CCDC102B: variants seen among roughly 807,000 people sequenced by gnomAD.
CCDC102B encodes coiled-coil domain-containing protein 102B.
Under a neutral mutation model 57.4 loss-of-function variants are expected in CCDC102B, and 75 were observed. The ratio of observed to expected loss-of-function variants is 1.31; its 90% CI spans 1.08 to 1.58. CCDC102B has a LOEUF of 1.58. CCDC102B is among the 40% of genes most tolerant of loss of function. The pLI, the probability that CCDC102B is intolerant of heterozygous loss-of-function variation, is 0.00. For synonymous variants in CCDC102B, 206 were observed against 201.9 expected, an observed-to-expected ratio of 1.02 and a Z score of -0.17; for missense variants, 636 against 582.6, an observed-to-expected ratio of 1.09 and a Z score of -0.94.
At chr18:68,781,325 ATGAG>A (rs933422956) in intron 2 of CCDC102B, among the ~76,000 whole-genome samples, 9 of 108,494 alleles carry the variant, frequency 8.3e-5, no homozygotes, top group South Asian at 7.3e-4. Context: ...TAAGAGAAGA[ATGAG>A]TGGGTGGACA....
chr18:68,804,027 G>T (rs533326241), intron 1 of CCDC102B, among the ~76,000 whole-genome samples: 31 of 152,308 alleles, frequency 2.0e-4, no homozygotes, highest in African/African-American at 6.7e-4. Flanking sequence ...AAAGGTAGAA[G>T]TGGGGAGGCC....
At chr18:68,857,112 T>A (rs6566392) in intron 4 of CCDC102B, among the ~76,000 whole-genome samples, 4,881 of 19,456 alleles carry the variant, frequency 0.25, 336 homozygotes, top group East Asian at 0.39. Context: ...ATATTATATA[T>A]AAATATATTT....
intron 6 of CCDC102B, among the ~76,000 whole-genome samples, chr18:68,972,288 A>G (rs949511678): frequency 6.6e-6 from 1 of 152,180 alleles, no homozygotes; most frequent in Non-Finnish European, 1.5e-5. Flanking sequence ...GGAATCAGGC[A>G]TGTGCAGTCC....
At chr18:68,950,042 C>T (rs1438637834) in intron 6 of CCDC102B, among the ~76,000 whole-genome samples, 1 of 152,066 alleles carries the variant, frequency 6.6e-6, no homozygotes, top group African/African-American at 2.4e-5. Context: ...ATGAATCTGT[C>T]TAAGCTGACA....
In CCDC102B at chr18:68,768,750, T is replaced by G. The variant is rs181506731; in HGVS notation, c.-67+52156T>G. Among the ~76,000 whole-genome samples the G allele has an allele frequency of 2.8e-3, 431 of 151,968 alleles. 1 individual carries two copies. Among genetic ancestry groups the G allele is most frequent in the African/African-American group, 1.0e-2 (414 of 41,530 alleles). ...TATAAATAGATATATCAATATTTAT[T>G]TCTTATTTTATTTAATTAATATTTA... On this transcript the variant is annotated intron_variant, in intron 2 of 3. Coordinates refer to the CCDC102B transcript ENST00000578970.
At chr18:68,741,063 G>A (rs1234936805) in intron 2 of CCDC102B, among the ~76,000 whole-genome samples, 1 of 152,200 alleles carries the variant, frequency 6.6e-6, no homozygotes, top group East Asian at 1.9e-4. Flanking sequence ...TCTAGGAGGT[G>A]CTCTTGTGGA....
intron 2 of CCDC102B, among the ~76,000 whole-genome samples, chr18:68,771,374 G>C (rs2034631704): frequency 6.6e-6 from 1 of 152,150 alleles, no homozygotes; most frequent in East Asian, 1.9e-4. Context: ...GATACCTGTG[G>C]CATGTATCAC....
At chr18:68,797,421 C>T (rs993971952), upstream of CCDC102B, among the ~76,000 whole-genome samples, 20 of 151,862 alleles carry the variant, frequency 1.3e-4, no homozygotes, top group African/African-American at 4.8e-4. Context: ...GATCTCTCGC[C>T]TCCCCCCTCA....
intron 3 of CCDC102B, among the ~76,000 whole-genome samples, chr18:68,840,711 CA>C (rs1220698670): frequency 6.6e-6 from 1 of 152,144 alleles, no homozygotes; most frequent in Non-Finnish European, 1.5e-5. Flanking sequence ...AGCCCACATA[CA>C]ATATTACTTC....
intron 6 of CCDC102B, among the ~76,000 whole-genome samples, chr18:68,973,770 CAG>C (rs1176537635): frequency 6.6e-6 from 1 of 151,986 alleles, no homozygotes; most frequent in African/African-American, 2.4e-5. Flanking sequence ...TTTGTACAAA[CAG>C]TGTAATTTTT....
chr18:68,808,468 CTTTTTTT>C (rs1157601164), intron 1 of CCDC102B, among the ~76,000 whole-genome samples: 36 of 91,800 alleles, frequency 3.9e-4, no homozygotes, highest in African/African-American at 1.4e-3. Context: ...GCTTTTACTA[CTTTTTTT>C]TTTTTTTTTT....
Position 69,054,868 on chromosome 18 carries a change from C to T in CCDC102B, c.*731C>T. On this transcript the variant is annotated 3_prime_UTR_variant, in exon 8 of 8. Coordinates refer to ENST00000360242, the MANE Select transcript of CCDC102B (RefSeq NM_024781.3). ...AAGTAGCATCTAGGTAGAAATCAGG[C>T]CAAAATTAAGCTGTGGTTTCCCTCT... 4 of 985,082 alleles carry T rather than the reference C, an allele frequency of 4.1e-6. No homozygotes were observed. Among genetic ancestry groups the T allele is most frequent in the Non-Finnish European group, 4.8e-6 (4 of 829,852 alleles). The allele number at this position is 985,082 out of a possible 1,614,324, so 61.0% of individuals were successfully genotyped here. A position where few individuals can be genotyped will look rare whatever the true frequency, so the allele number is the denominator to read the frequency against.
chr18:68,723,008 A>T (rs1363799335), intron 2 of CCDC102B, among the ~76,000 whole-genome samples: 1 of 150,850 alleles, frequency 6.6e-6, no homozygotes, highest in Non-Finnish European at 1.5e-5. Flanking sequence ...GACACTGGGT[A>T]ATTTATAAAA....
chr18:68,943,209 C>T (rs1042113165), intron 6 of CCDC102B, among the ~76,000 whole-genome samples: 7 of 151,996 alleles, frequency 4.6e-5, no homozygotes, highest in Admixed American at 6.6e-5. Context: ...GACACAGTAA[C>T]AGTCTGATCT....
At chr18:68,800,055 G>T (rs745848636) in intron 1 of CCDC102B, among the ~76,000 whole-genome samples, 4 of 151,994 alleles carry the variant, frequency 2.6e-5, no homozygotes, top group Non-Finnish European at 5.9e-5. Flanking sequence ...TGCTTGCAAG[G>T]TGATTTACAT....
At chr18:68,887,736 A>G (rs2039939554) in intron 5 of CCDC102B, among the ~76,000 whole-genome samples, 2 of 152,236 alleles carry the variant, frequency 1.3e-5, no homozygotes, top group Admixed American at 1.3e-4. Flanking sequence ...CCAGAATCCT[A>G]AAGTTTTAAC....
intron 1 of CCDC102B, among the ~76,000 whole-genome samples, chr18:68,824,347 C>T (rs1481962868): frequency 2.6e-5 from 4 of 152,172 alleles, no homozygotes; most frequent in Non-Finnish European, 5.9e-5. Context: ...GGCTTTTTCA[C>T]AGATCGGATG....
At chr18:68,804,290 G>T (rs1346438087) in intron 1 of CCDC102B, among the ~76,000 whole-genome samples, 1 of 151,976 alleles carries the variant, frequency 6.6e-6, no homozygotes, top group Admixed American at 6.6e-5. Context: ...AGATGTGAGG[G>T]GAGTTCAAGT....
At chr18:68,809,158 T>C (rs573043595) in intron 1 of CCDC102B, among the ~76,000 whole-genome samples, 3 of 152,186 alleles carry the variant, frequency 2.0e-5, no homozygotes, top group Non-Finnish European at 4.4e-5. Context: ...ATTTGGAGCA[T>C]TCATAAACGT....
Sources: allele counts gnomAD v4.1 joint callset (sites outside exome capture counted in the v4.1 genomes callset), GRCh38; gene constraint gnomAD v4.1.1; transcripts MANE v1.5; gene names NCBI Gene and HGNC (gene_info 2026-07-23, HGNC 2026-07-21).